The following ITGA9 variants were observed in gnomAD, a reference collection of about 807,000 sequenced individuals.
ITGA9 encodes the protein integrin alpha-9.
A neutral mutation model predicts 127.8 loss-of-function variants in ITGA9; 56 were observed. The observed-to-expected ratio is 0.44, with a 90% CI of 0.35 to 0.55. The LOEUF (loss-of-function observed/expected upper bound fraction) is 0.55. Among genes scored for constraint, ITGA9 ranks in the 20% least tolerant of loss-of-function variants. The pLI is 0.00. For missense variants in ITGA9, 1,196 were observed against 1,347.1 expected (o/e 0.89, Z 1.76); for synonymous variants, 508 against 514.5 (o/e 0.99, Z 0.17).
intron 15 of ITGA9, among the ~76,000 whole-genome samples, chr3:37,626,753 G>C (rs1292418861): frequency 6.6e-6 from 1 of 152,222 alleles, no homozygotes; most frequent in Admixed American, 6.5e-5. Flanking sequence ...TGTCTGTGAA[G>C]AGCTTGGCCC....
intron 1 of ITGA9, among the ~76,000 whole-genome samples, chr3:37,467,637 T>C (rs970090966): frequency 3.9e-5 from 6 of 152,224 alleles, no homozygotes; most frequent in Non-Finnish European, 8.8e-5. Flanking sequence ...CGTGATGAAT[T>C]CTCACTCTTG....
intron 3 of ITGA9, among the ~76,000 whole-genome samples, chr3:37,478,173 A>C (rs1698514190): frequency 6.6e-6 from 1 of 152,032 alleles, no homozygotes; most frequent in Non-Finnish European, 1.5e-5. Flanking sequence ...GTCTCATGGC[A>C]TCTCAGCCTC....
At chr3:37,525,897 C>T in intron 12 of ITGA9, 129 bp from the exon 13 acceptor site, 1 of 770,306 alleles carries the variant, frequency 1.3e-6, no homozygotes, top group Admixed American at 1.9e-5. Context: ...ATTGTATAGC[C>T]CAGACAGTGG....
intron 17 of ITGA9, among the ~76,000 whole-genome samples, chr3:37,679,191 A>G (rs182881790): frequency 1.3e-5 from 2 of 152,170 alleles, no homozygotes; most frequent in Admixed American, 1.3e-4. Context: ...TAACCCACTT[A>G]AAAGACTGCA....
intron 23 of ITGA9, among the ~76,000 whole-genome samples, chr3:37,768,347 G>T (rs1173074083): frequency 6.6e-6 from 1 of 152,112 alleles, no homozygotes; most frequent in Non-Finnish European, 1.5e-5. Flanking sequence ...CTCAGTTATT[G>T]TATGACTACT....
At chr3:37,552,606 T>C (rs552917378) in intron 15 of ITGA9, among the ~76,000 whole-genome samples, 1 of 152,298 alleles carries the variant, frequency 6.6e-6, no homozygotes, top group Admixed American at 6.5e-5. Flanking sequence ...GTATTGGACT[T>C]GAGCAAACTT....
chr3:37,638,092 G>A (rs895073062), intron 16 of ITGA9, among the ~76,000 whole-genome samples: 2 of 152,118 alleles, frequency 1.3e-5, no homozygotes, highest in African/African-American at 4.8e-5. Flanking sequence ...GTGAAGGAGT[G>A]GGGATCGTTA....
intron 18 of ITGA9, among the ~76,000 whole-genome samples, chr3:37,689,068 G>A (rs1448833992): frequency 5.3e-5 from 8 of 151,866 alleles, no homozygotes; most frequent in African/African-American, 1.9e-4. Flanking sequence ...GTGGATGGGT[G>A]GGCGGGTAGG....
At chr3:37,618,709 G>A (rs1195406952) in intron 15 of ITGA9, among the ~76,000 whole-genome samples, 1 of 152,224 alleles carries the variant, frequency 6.6e-6, no homozygotes, top group African/African-American at 2.4e-5. Flanking sequence ...TTTGATCTCA[G>A]ACTGCTGTGC....
At chr3:37,630,482 A>G (rs1350902714) in intron 16 of ITGA9, among the ~76,000 whole-genome samples, 2 of 152,188 alleles carry the variant, frequency 1.3e-5, no homozygotes, top group African/African-American at 4.8e-5. Context: ...TACACCAAAG[A>G]GTTGTCCTCA....
intron 25 of ITGA9, 89 bp from the exon 26 acceptor site, chr3:37,784,888 C>T (rs1451752404): frequency 2.7e-6 from 3 of 1,100,412 alleles, no homozygotes; most frequent in South Asian, 1.3e-5. Context: ...TACATGGAAT[C>T]ATGGAATTTC....
chr3:37,525,484 G>A (rs1699084449), intron 12 of ITGA9, among the ~76,000 whole-genome samples: 2 of 152,156 alleles, frequency 1.3e-5, no homozygotes, highest in South Asian at 2.1e-4. Flanking sequence ...AGAGTGAGGG[G>A]TGGAGGGTGA....
chr3:37,612,018 G>C (rs1700021872), intron 15 of ITGA9, among the ~76,000 whole-genome samples: 1 of 151,976 alleles, frequency 6.6e-6, no homozygotes, highest in Admixed American at 6.6e-5. Context: ...GTGATTTTCA[G>C]CCCAGGCCCT....
intron 21 of ITGA9, among the ~76,000 whole-genome samples, chr3:37,743,201 A>T (rs910974243): frequency 6.6e-6 from 1 of 152,238 alleles, no homozygotes; most frequent in African/African-American, 2.4e-5. Flanking sequence ...TTGAAAATGG[A>T]TGAGTTGTTG....
chr3:37,754,980 A>G (rs1446424320), intron 23 of ITGA9, among the ~76,000 whole-genome samples: 1 of 152,216 alleles, frequency 6.6e-6, no homozygotes, highest in East Asian at 1.9e-4. Context: ...GATGACCTGG[A>G]GGAGCTTCTT....
At chr3:37,488,775 G>A (rs928640976) in intron 4 of ITGA9, among the ~76,000 whole-genome samples, 1 of 151,030 alleles carries the variant, frequency 6.6e-6, no homozygotes, top group Non-Finnish European at 1.5e-5. Context: ...TCCAGTCTGG[G>A]TGACAGAATG....
chr3:37,522,792 G>A lies in ITGA9; in HGVS notation c.1237-729G>A, dbSNP rs561260289. Reference sequence around the variant, plus strand: ...ATAAAGTAAGCATAGATGCTAGTGTGTCCCATGGTGAAGTTGTGAACTCTG... The same window carrying A: ...ATAAAGTAAGCATAGATGCTAGTGTATCCCATGGTGAAGTTGTGAACTCTG... On this transcript the variant is annotated intron_variant, in intron 11 of 27. Coordinates refer to ENST00000264741, the MANE Select transcript of ITGA9 (RefSeq NM_002207.3). Among the ~76,000 whole-genome samples, 29 of 152,134 alleles carry A rather than the reference G, an allele frequency of 1.9e-4. 1 individual carries two copies. The South Asian group carries it at 4.8e-3, about 25-fold the overall frequency.
intron 1 of ITGA9, 136 bp from the exon 2 acceptor site, chr3:37,470,871 A>C (rs1222135510): frequency 1.9e-5 from 17 of 874,122 alleles, no homozygotes; most frequent in Non-Finnish European, 2.8e-5. Flanking sequence ...CCCCAAGCCC[A>C]CACAGAAAAG....
At chr3:37,630,473 A>G (rs1305618255) in intron 16 of ITGA9, among the ~76,000 whole-genome samples, 1 of 152,180 alleles carries the variant, frequency 6.6e-6, no homozygotes, top group African/African-American at 2.4e-5. Context: ...AACAAAAATT[A>G]CACCAAAGAG....
Sources: allele counts gnomAD v4.1 joint callset (sites outside exome capture counted in the v4.1 genomes callset), GRCh38; gene constraint gnomAD v4.1.1; transcripts MANE v1.5; gene names NCBI Gene and HGNC (gene_info 2026-07-23, HGNC 2026-07-21).